CPNE4: variants seen among roughly 807,000 people sequenced by gnomAD.
CPNE4 encodes copine 4, also known as copine-4.
CPNE4 carries 25 observed loss-of-function variants against 67.9 expected under a neutral mutation model. The ratio of observed to expected loss-of-function variants is 0.37; its 90% confidence interval spans 0.27 to 0.51. The LOEUF (loss-of-function observed/expected upper bound fraction) is 0.51, where lower values mean the gene tolerates loss of function less well. Among genes scored for constraint, CPNE4 ranks in the 20% least tolerant of loss-of-function variants. The probability of loss-of-function intolerance (pLI) is 0.93; values close to 1 mark genes in which losing one functional copy is unlikely to be tolerated. For missense variants in CPNE4, 464 were observed against 690.8 expected (o/e 0.67, Z 3.68); for synonymous variants, 242 against 244.9 (o/e 0.99, Z 0.11).
At chr3:131,589,601 A>G (rs1938408436) in intron 7 of CPNE4, among the ~76,000 whole-genome samples, 1 of 152,200 alleles carries the variant, frequency 6.6e-6, no homozygotes, top group South Asian at 2.1e-4. Context: ...GCATCCTTCA[A>G]TCCAATCAGG....
chr3:131,700,110 A>ATATTTCAG (rs2081260899), intron 3 of CPNE4, 130 bp from the exon 4 acceptor site: 1 of 446,598 alleles, frequency 2.2e-6, no homozygotes, highest in Non-Finnish European at 3.6e-6. Context: ...GTGTCAATTT[A>ATATTTCAG]TATTTCAGGG....
intron 6 of CPNE4, among the ~76,000 whole-genome samples, chr3:131,673,998 T>A (rs1448353737): frequency 7.4e-6 from 1 of 135,228 alleles, no homozygotes; most frequent in Non-Finnish European, 1.6e-5. Context: ...CTATACTCAG[T>A]TTTTTGCATT....
At chr3:131,770,005 A>C (rs1243072475) in intron 2 of CPNE4, among the ~76,000 whole-genome samples, 1 of 152,092 alleles carries the variant, frequency 6.6e-6, no homozygotes, top group Non-Finnish European at 1.5e-5. Context: ...TGATGCATTC[A>C]CTTCAGTAAA....
chr3:131,620,502 T>G (rs1342414627), intron 7 of CPNE4: 24 of 982,640 alleles, frequency 2.4e-5, no homozygotes, highest in Admixed American at 6.2e-5. Context: ...CGGCTGATGG[T>G]AGGCAGAATA....
chr3:131,725,105 C>G (rs763290264), intron 2 of CPNE4, among the ~76,000 whole-genome samples: 3 of 152,164 alleles, frequency 2.0e-5, no homozygotes, highest in African/African-American at 4.8e-5. Flanking sequence ...CTATGAAAAG[C>G]ATTTATCTCA....
At chr3:131,624,719 C>A (rs1046355461) in intron 7 of CPNE4, among the ~76,000 whole-genome samples, 2 of 152,142 alleles carry the variant, frequency 1.3e-5, no homozygotes, top group African/African-American at 4.8e-5. Flanking sequence ...TTTCAGGAGG[C>A]AAACATTGCC....
intron 1 of CPNE4, among the ~76,000 whole-genome samples, chr3:131,994,539 A>G (rs572815718): frequency 9.3e-5 from 8 of 85,742 alleles, no homozygotes; most frequent in African/African-American, 2.2e-4. Context: ...TGAGAAGTGC[A>G]ATGTTAGTGT....
chr3:131,571,086 T>C (rs985931593), intron 10 of CPNE4, among the ~76,000 whole-genome samples: 8 of 152,006 alleles, frequency 5.3e-5, no homozygotes, highest in African/African-American at 1.7e-4. Flanking sequence ...AGTTGCTCTT[T>C]TGAAGATGAT....
At chr3:131,862,355 A>G (rs915678053) in intron 2 of CPNE4, among the ~76,000 whole-genome samples, 5 of 152,166 alleles carry the variant, frequency 3.3e-5, no homozygotes, top group Non-Finnish European at 5.9e-5. Context: ...TAATTCTCCC[A>G]TAAAATTTCC....
chr3:131,535,091 T>A lies in CPNE4; in HGVS notation c.*104A>T. The A allele has an allele frequency of 8.2e-7, 1 of 1,218,098 alleles. No homozygotes were observed. Among genetic ancestry groups the A allele is most frequent in the Non-Finnish European group, 1.1e-6 (1 of 886,710 alleles). 75.5% of individuals were successfully genotyped at this position (1,218,098 alleles called of 1,614,324 possible). On this transcript the variant is annotated 3_prime_UTR_variant, in exon 16 of 16. Transcript: ENST00000429747. ...CACCAAAACGTGCTATTTTTAAATGTGTATATGTTGTTGGTTTTTTAAAGT... is the reference window on the plus strand; with the variant it reads ...CACCAAAACGTGCTATTTTTAAATGAGTATATGTTGTTGGTTTTTTAAAGT...
intron 1 of CPNE4, among the ~76,000 whole-genome samples, chr3:132,033,425 G>A (rs61589398): frequency 1.4e-5 from 2 of 143,320 alleles, no homozygotes; most frequent in Admixed American, 1.4e-4. Context: ...GTGTGTGTGT[G>A]TGTAGAGGGA....
At chr3:131,597,259 G>A (rs566437228) in intron 7 of CPNE4, among the ~76,000 whole-genome samples, 1 of 151,662 alleles carries the variant, frequency 6.6e-6, no homozygotes, top group South Asian at 2.1e-4. Flanking sequence ...GTTGAACAAT[G>A]AAGACACATG....
intron 2 of CPNE4, among the ~76,000 whole-genome samples, chr3:131,864,978 G>A (rs575022652): frequency 5.2e-4 from 79 of 152,078 alleles, no homozygotes; most frequent in African/African-American, 1.7e-3. Flanking sequence ...GGTTTTCGTC[G>A]TTGGTTCCAT....
At chr3:131,732,457 T>C (rs1020400123) in intron 2 of CPNE4, among the ~76,000 whole-genome samples, 2 of 152,184 alleles carry the variant, frequency 1.3e-5, no homozygotes, top group Non-Finnish European at 2.9e-5. Flanking sequence ...TTGGCCCAGC[T>C]CACCTTCTTT....
At chr3:131,855,868 T>C (rs1462699498) in intron 2 of CPNE4, among the ~76,000 whole-genome samples, 2 of 152,014 alleles carry the variant, frequency 1.3e-5, no homozygotes, top group African/African-American at 4.8e-5. Flanking sequence ...AGCCTGATTC[T>C]TTCTAATAAA....
chr3:131,743,561 A>C lies in CPNE4; in HGVS notation c.181-19936T>G, dbSNP rs2082405256. 2.0e-5 allele frequency among the ~76,000 whole-genome samples: 3 copies of C among 152,342 alleles called. No homozygotes were observed. In the South Asian group the frequency reaches 6.2e-4, roughly 32 times the overall value. ...CATCCAGTGGTGCACACAAAAATACACTATGATCAAATAGTTTATTCCAGT... is the reference window on the plus strand; with the variant it reads ...CATCCAGTGGTGCACACAAAAATACCCTATGATCAAATAGTTTATTCCAGT... On this transcript the variant is annotated intron_variant, in intron 2 of 15. Transcript: ENST00000429747.
intron 1 of CPNE4, among the ~76,000 whole-genome samples, chr3:131,986,854 A>T (rs1169283004): frequency 1.0e-5 from 1 of 100,322 alleles, no homozygotes; most frequent in African/African-American, 4.4e-5. Context: ...AAAAAAAAAC[A>T]AAAACAAACA....
Position 131,535,329 on chromosome 3 carries a change from C to T in CPNE4, c.1540G>A (p.Ala514Thr), listed in dbSNP as rs987130076. 1.9e-6 allele frequency: 3 copies of T among 1,609,976 alleles called. No individual in the cohort carries two copies. The highest frequency in any genetic ancestry group is 1.1e-5 in the South Asian group (1 of 90,110). The change falls in exon 16 of 16, where the codon GCA becomes ACA. Residue 514 changes from alanine (A) to threonine (T), a missense_variant and splice_region_variant. Ala to Thr is a moderately conservative substitution (Grantham distance 58). This residue lies in a region of CPNE4 where 201 missense variants were observed against 357.7 expected (regional missense o/e 0.56). Coordinates refer to ENST00000429747, the MANE Select transcript of CPNE4 (RefSeq NM_130808.3). ...CTCTTTGCCAGGGCAGCTGGAGATG[C>T]CTGCAGGGAAGAAGAAATCATCATG... Reference protein sequence around the residue: ...QFVPFRNFKHASPAALAKSVL... With the variant: ...QFVPFRNFKHTSPAALAKSVL...
At position 131,549,990 on chromosome 3, in the gene CPNE4, A is replaced by G; in HGVS notation, c.1259T>C (p.Val420Ala). The G allele has an allele frequency of 6.2e-7, 1 of 1,613,230 alleles. No individual in the cohort carries two copies. The highest frequency in any genetic ancestry group is 8.5e-7 in the Non-Finnish European group (1 of 1,179,452). Residue 420 changes from valine (V) to alanine (A), a missense_variant, in exon 14 of 16, where the codon GTT becomes GCT. By Grantham distance (64) the Val-to-Ala change is moderately conservative. Around this residue, in one of 6 missense-constraint regions of CPNE4, gnomAD observed 201 missense variants for 357.7 expected, o/e 0.56. Coordinates refer to ENST00000429747, the MANE Select transcript of CPNE4 (RefSeq NM_130808.3). ...PTNIAPIIQK[V>A]AKSASEETNT... is the part of the protein sequence containing the mutation. ...AGTTTCCTCTGACGCTGACTTGGCA[A>G]CCTTCTGGATGATGGGGGCAATGTT...
Sources: allele counts gnomAD v4.1 joint callset (sites outside exome capture counted in the v4.1 genomes callset), GRCh38; gene constraint gnomAD v4.1.1; regional missense constraint gnomAD v4.1.1; transcripts MANE v1.5; gene names NCBI Gene and HGNC (gene_info 2026-07-23, HGNC 2026-07-21).